Variants in UQCRC2 observed in about 807,000 individuals in gnomAD.
The protein encoded by UQCRC2 is ubiquinol-cytochrome c reductase core protein 2.
In UQCRC2, 49 loss-of-function variants were observed where a neutral mutation model predicts 55.6. That is an observed-to-expected ratio of 0.88 (90% confidence interval 0.70 to 1.12). The LOEUF (loss-of-function observed/expected upper bound fraction) is 1.12. UQCRC2 is among the 50% of genes most tolerant of loss of function. The pLI is 0.00. For missense variants in UQCRC2, 506 were observed against 547.8 expected (o/e 0.92, Z 0.76); for synonymous variants, 193 against 192.0 (o/e 1.01, Z -0.04).
rs1597972603 is a variant in UQCRC2 at position 21,983,050 on chromosome 16, A to T, written c.1279-38A>T. On this transcript the variant is annotated intron_variant, in intron 13 of 13. Coordinates refer to ENST00000268379, the MANE Select transcript of UQCRC2 (RefSeq NM_003366.4). The stretch of plus-strand genomic sequence containing the variant: ...CGCCTGCTTGATGATATATATTTTT[A>T]TTTTTGTTAATTTTGTCTTTTGTTT... 11 of 1,583,086 alleles carry T rather than the reference A, an allele frequency of 6.9e-6. No individual in the cohort carries two copies. In the African/African-American group the frequency reaches 9.5e-5, roughly 14 times the overall value.
chr16:21,959,357 C>A, intron 4 of UQCRC2: 1 of 276,210 alleles, frequency 3.6e-6, no homozygotes, highest in Non-Finnish European at 7.3e-6. Flanking sequence ...GCATCTTCAA[C>A]CAGGAGCAGA....
rs767261117 is a variant in UQCRC2 at position 21,980,700 on chromosome 16, T to G, written c.1278T>G (p.Asn426Lys). 4.3e-6 allele frequency: 7 copies of G among 1,611,068 alleles called. No individual in the cohort carries two copies. Among genetic ancestry groups the G allele is most frequent in the Non-Finnish European group, 5.9e-6 (7 of 1,179,136 alleles). The change falls in exon 13 of 14, where the codon AAT becomes AAG. Residue 426 changes from asparagine to lysine, a missense_variant and splice_region_variant. Coordinates refer to ENST00000268379, the MANE Select transcript of UQCRC2 (RefSeq NM_003366.4). ...CAGTGGCTAATGCTGATATCATAAATGTAAGTAAATGAAAACTTAACGATT... is the reference window on the plus strand; with the variant it reads ...CAGTGGCTAATGCTGATATCATAAAGGTAAGTAAATGAAAACTTAACGATT... Reference protein sequence around the residue: ...IDSVANADIINAAKKFVSGQK... With the variant: ...IDSVANADIIKAAKKFVSGQK...
At chr16:21,969,806 C>G (rs899398283) in intron 8 of UQCRC2, among the ~76,000 whole-genome samples, 9 of 151,986 alleles carry the variant, frequency 5.9e-5, no homozygotes, top group African/African-American at 1.7e-4. Flanking sequence ...AGCCCCATAC[C>G]CATTAGCAGT....
chr16:21,961,645 TA>T (rs1898204348), intron 4 of UQCRC2, among the ~76,000 whole-genome samples: 1 of 95,248 alleles, frequency 1.0e-5, no homozygotes, highest in African/African-American at 5.4e-5. Flanking sequence ...TATATATATA[TA>T]TATATATATA....
At chr16:21,956,716 T>C (rs1898092179) in intron 1 of UQCRC2, among the ~76,000 whole-genome samples, 1 of 152,138 alleles carries the variant, frequency 6.6e-6, no homozygotes, top group Non-Finnish European at 1.5e-5. Context: ...CACTAATAAA[T>C]AGAGGTTTAA....
chr16:21,963,974 C>T (rs535875788), intron 6 of UQCRC2, among the ~76,000 whole-genome samples: 1 of 152,072 alleles, frequency 6.6e-6, no homozygotes, highest in Non-Finnish European at 1.5e-5. Flanking sequence ...ATTATATAAT[C>T]TTGACAAGTA....
At chr16:21,977,041 G>A (rs955771006) in intron 12 of UQCRC2, 1 of 152,100 alleles carries the variant, frequency 6.6e-6, no homozygotes, top group Admixed American at 6.6e-5. Flanking sequence ...GTTAGAGTGT[G>A]TGTATGTGTG....
chr16:21,976,086 TG>T (rs1898577909), intron 11 of UQCRC2, 80 bp from the exon 12 acceptor site: 2 of 888,932 alleles, frequency 2.2e-6, no homozygotes, highest in Admixed American at 4.0e-5. Flanking sequence ...TCTGTGTTTT[TG>T]CCTCAGTAAA....
intron 8 of UQCRC2, among the ~76,000 whole-genome samples, chr16:21,970,710 C>T (rs1378814995): frequency 6.6e-6 from 1 of 152,048 alleles, no homozygotes; most frequent in Non-Finnish European, 1.5e-5. Flanking sequence ...CTCAGCCTCC[C>T]GAGTAGCTGG....
chr16:21,968,596 TATAAC>T (rs1898383680), intron 7 of UQCRC2, 27 bp from the exon 8 acceptor site: 1 of 1,568,488 alleles, frequency 6.4e-7, no homozygotes, highest in Non-Finnish European at 8.7e-7. Flanking sequence ...TTTATGCTAA[TATAAC>T]CTAATAAGTG....
rs948210755 is a variant in UQCRC2, at chr16:21,957,477, A to G, written c.178A>G (p.Arg60Gly). Reference protein sequence around the residue: ...ASLENYSPVSRIGLFIKAGSR... With the variant: ...ASLENYSPVSGIGLFIKAGSR... ...TTTGGAAAACTATTCTCCTGTATCA[A>G]GAATTGGTTTGTTCATTAAAGCAGG... Residue 60 changes from arginine to glycine, a missense_variant, in exon 3 of 14, where the codon AGA (arginine) becomes GGA (glycine). Physicochemically the swap from Arg to Gly is moderately radical, Grantham distance 125. Coordinates refer to ENST00000268379, the MANE Select transcript of UQCRC2 (RefSeq NM_003366.4). The G allele has an allele frequency of 6.2e-7, 1 of 1,614,178 alleles. No individual in the cohort carries two copies. The highest frequency in any genetic ancestry group is 8.5e-7 in the Non-Finnish European group (1 of 1,180,026).
Position 21,962,837 on chromosome 16 carries a change from C to G in UQCRC2, c.466C>G (p.Pro156Ala). 2.5e-6 allele frequency: 4 copies of G among 1,614,070 alleles called. No homozygotes were observed. The highest frequency in any genetic ancestry group is 3.4e-6 in the Non-Finnish European group (4 of 1,180,012). The change falls in exon 6 of 14, where the codon CCT becomes GCT. Residue 156 changes from proline to alanine, a missense_variant. Pro to Ala is a conservative substitution (Grantham distance 27, BLOSUM62 -1). Transcript: ENST00000268379. ...FRRWEVADLQ[P>A]QLKIDKAVAF... Reference sequence around the variant, plus strand: ...TCGTTGGGAAGTAGCTGACCTTCAGCCTCAGCTAAAGATTGACAAAGCTGT... The same window carrying G: ...TCGTTGGGAAGTAGCTGACCTTCAGGCTCAGCTAAAGATTGACAAAGCTGT...
rs1898699568 is a variant in UQCRC2 at position 21,980,615 on chromosome 16, C to T, written c.1193C>T (p.Ser398Phe). ...SSECFLEEVG[S>F]QALVAGSYMP... ...GAGTGTTTCCTGGAAGAAGTCGGGT[C>T]CCAGGCTCTAGTTGCTGGTTCTTAC... Residue 398 changes from serine to phenylalanine, a missense_variant, in exon 13 of 14, where the codon TCC becomes TTC. Ser to Phe is a radical substitution (Grantham distance 155, BLOSUM62 -2). Transcript: ENST00000268379. The T allele has an allele frequency of 6.2e-7, 1 of 1,614,156 alleles. No individual in the cohort carries two copies. Among genetic ancestry groups the T allele is most frequent in the Non-Finnish European group, 8.5e-7 (1 of 1,180,024 alleles).
chr16:21,957,244 T>C lies in UQCRC2; in HGVS notation c.43T>C (p.Ser15Pro). The C allele has an allele frequency of 6.2e-7, 1 of 1,613,678 alleles. No homozygotes were observed. Residue 15 changes from serine to proline, a missense_variant, in exon 2 of 14, where the codon TCC (serine) becomes CCC (proline). Transcript: ENST00000268379. ...TRAGSFSRFY[S>P]LKVAPKVKAT... The stretch of plus-strand genomic sequence containing the variant: ...TGTTTTTTATGTTTAGAGATTTTAT[T>C]CCCTCAAAGTTGCCCCCAAAGTTAA...
At chr16:21,963,023 C>CT in intron 6 of UQCRC2, 138 bp downstream of exon 6, 1 of 1,168,534 alleles carries the variant, frequency 8.6e-7, no homozygotes. Context: ...GAGTCTCACT[C>CT]TGTCACCCAG....
chr16:21,962,682 G>C (rs1170763751), intron 5 of UQCRC2, 79 bp from the exon 6 acceptor site: 1 of 1,601,618 alleles, frequency 6.2e-7, no homozygotes, highest in Non-Finnish European at 8.5e-7. Context: ...TTCACATTGA[G>C]AGCATTACAG....
intron 1 of UQCRC2, among the ~76,000 whole-genome samples, chr16:21,955,308 A>G (rs767458795): frequency 1.3e-5 from 2 of 152,220 alleles, no homozygotes; most frequent in Non-Finnish European, 1.5e-5. Context: ...ACTGAAAAGC[A>G]GTACTAAAAG....
At chr16:21,974,061 A>G in intron 11 of UQCRC2, 85 bp downstream of exon 11, 1 of 1,235,740 alleles carries the variant, frequency 8.1e-7, no homozygotes, top group Non-Finnish European at 1.2e-6. Context: ...AAAATATGGA[A>G]TGTTTGAATG....
chr16:21,971,618 G>C lies in UQCRC2; in HGVS notation c.764G>C (p.Gly255Ala). Residue 255 changes from glycine (G) to alanine (A), a missense_variant and splice_region_variant, in exon 9 of 14, where the codon GGA (glycine) becomes GCA (alanine). Gly to Ala is a moderately conservative substitution (Grantham distance 60, BLOSUM62 0). Coordinates refer to ENST00000268379, the MANE Select transcript of UQCRC2 (RefSeq NM_003366.4). ...GLSGAKANYR[G>A]GEIREQNGDS... ...TCTGGTGCAAAGGCCAACTACCGTG[G>C]AGGTAAGCATTTCATTCTATTAGGG... 1 of 1,613,632 alleles carries C rather than the reference G, an allele frequency of 6.2e-7. No homozygotes were observed.
Sources: gnomAD v4.1 joint callset for allele counts (sites outside exome capture counted in the v4.1 genomes callset) on GRCh38, gnomAD v4.1.1 for gene constraint, MANE v1.5 for transcripts, NCBI Gene and HGNC (gene_info 2026-07-23, HGNC 2026-07-21) for gene names.